The following FTO variants were observed in gnomAD, a reference collection of about 807,000 sequenced individuals.
The protein encoded by FTO is alpha-ketoglutarate-dependent dioxygenase FTO.
FTO carries 47 observed loss-of-function variants against 63.9 expected under a neutral mutation model. The ratio of observed to expected loss-of-function variants is 0.74; its 90% CI spans 0.58 to 0.94. The LOEUF (loss-of-function observed/expected upper bound fraction) is 0.94, where lower values mean the gene tolerates loss of function less well. Among genes scored for constraint, FTO ranks in the 40% least tolerant of loss-of-function variants. FTO has a pLI of 0.00. For missense variants in FTO, 562 were observed against 618.1 expected, an observed-to-expected ratio of 0.91 and a Z score of 0.96; for synonymous variants, 207 against 224.4, an observed-to-expected ratio of 0.92 and a Z score of 0.69.
At chr16:54,040,477 TG>T (rs2085045674) in intron 8 of FTO, 1 of 152,234 alleles carries the variant, frequency 6.6e-6, no homozygotes, top group Non-Finnish European at 1.5e-5. Context: ...CAAGTTCTCT[TG>T]GAGCTTACAT....
In FTO at chr16:53,714,733, A is replaced by C. The variant is rs563730608; in HGVS notation, c.45+10504A>C. ...TGGTAACACTATTAATGAGACAATA[A>C]TTGGGAAATAGTAGTCATTGTTCTC... is the stretch of plus-strand genomic sequence containing the variant. On this transcript the variant is annotated intron_variant, in intron 1 of 8. Transcript: ENST00000471389. 3.8e-4 allele frequency among the ~76,000 whole-genome samples: 58 copies of C among 152,294 alleles called. No individual in the cohort carries two copies. In the South Asian group the frequency reaches 0.012, roughly 31 times the overall value.
chr16:53,799,890 A>G (rs776491857), intron 1 of FTO, among the ~76,000 whole-genome samples: 4 of 152,172 alleles, frequency 2.6e-5, no homozygotes, highest in Non-Finnish European at 4.4e-5. Context: ...TTTAATTGGT[A>G]TGTTGAAACT....
At chr16:53,779,373 G>T (rs922459513) in intron 1 of FTO, among the ~76,000 whole-genome samples, 2 of 152,056 alleles carry the variant, frequency 1.3e-5, no homozygotes, top group African/African-American at 4.8e-5. Flanking sequence ...GGAGGAGATT[G>T]TGTAACTGGA....
rs181589243 is a variant in FTO at position 54,005,716 on chromosome 16, G to T, written c.1364+71607G>T. The stretch of plus-strand genomic sequence containing the variant: ...ATACTGTCATTAAAGATACAAAAAG[G>T]ATCAAACATAATCCTTGCCTTCAAA... On this transcript the variant is annotated intron_variant, in intron 8 of 8. Transcript: ENST00000471389. Among the ~76,000 whole-genome samples the T allele has an allele frequency of 3.3e-5, 5 of 152,210 alleles. No homozygotes were observed. In the East Asian group the frequency reaches 7.7e-4, roughly 23 times the overall value.
intron 1 of FTO, among the ~76,000 whole-genome samples, chr16:53,745,511 T>G (rs763569730): frequency 3.3e-5 from 5 of 152,212 alleles, no homozygotes; most frequent in Non-Finnish European, 7.3e-5. Flanking sequence ...GTTCCTTCAT[T>G]GTTTCATTCA....
chr16:53,853,296 C>T (rs908086525), intron 4 of FTO, among the ~76,000 whole-genome samples: 1 of 152,026 alleles, frequency 6.6e-6, no homozygotes, highest in Non-Finnish European at 1.5e-5. Flanking sequence ...CAGAGCAGGA[C>T]TTTGTCTCAA....
At chr16:53,788,955 C>CTGAA (rs1449430882) in intron 1 of FTO, among the ~76,000 whole-genome samples, 1 of 152,158 alleles carries the variant, frequency 6.6e-6, no homozygotes, top group Non-Finnish European at 1.5e-5. Flanking sequence ...ATTTATAAAG[C>CTGAA]TGAAATACAT....
intron 7 of FTO, among the ~76,000 whole-genome samples, chr16:53,895,131 C>A (rs189962770): frequency 6.6e-6 from 1 of 152,212 alleles, no homozygotes. Flanking sequence ...TTCCCCACAG[C>A]TATATTGTTC....
intron 8 of FTO, among the ~76,000 whole-genome samples, chr16:54,038,461 T>G (rs2084995752): frequency 1.3e-5 from 2 of 152,182 alleles, no homozygotes; most frequent in African/African-American, 4.8e-5. Context: ...ACTGTCTACC[T>G]CTGATGGCCA....
At chr16:54,051,013 T>C (rs552726135) in intron 8 of FTO, among the ~76,000 whole-genome samples, 1 of 152,342 alleles carries the variant, frequency 6.6e-6, no homozygotes, top group Non-Finnish European at 1.5e-5. Context: ...ACATCTTCAA[T>C]TTCCTGATTG....
chr16:54,034,148 T>C (rs994415244), intron 8 of FTO: 7 of 152,192 alleles, frequency 4.6e-5, no homozygotes, highest in African/African-American at 1.7e-4. Flanking sequence ...TTTCCCCCAT[T>C]ACTGAAAGGT....
chr16:53,813,555 A>G (rs1390142928), intron 2 of FTO, among the ~76,000 whole-genome samples: 1 of 152,230 alleles, frequency 6.6e-6, no homozygotes, highest in Non-Finnish European at 1.5e-5. Context: ...ATAAAACCTT[A>G]GTAAAAGTAA....
In FTO at chr16:53,851,734, T is replaced by C. The variant is rs1175965103; in HGVS notation, c.895+7436T>C. ...TTTGTACATAATATGTGCTGGAAATTTTTTTATGTCAGTATGTCATTCATA... is the reference window on the plus strand; with the variant it reads ...TTTGTACATAATATGTGCTGGAAATCTTTTTATGTCAGTATGTCATTCATA... On this transcript the variant is annotated intron_variant, in intron 4 of 8. Coordinates refer to ENST00000471389, the MANE Select transcript of FTO (RefSeq NM_001080432.3). Among the ~76,000 whole-genome samples the C allele has an allele frequency of 2.0e-5, 3 of 152,096 alleles. No homozygotes were observed. The East Asian group carries it at 5.8e-4, about 29-fold the overall frequency.
At chr16:53,717,245 A>G (rs914655984) in intron 1 of FTO, among the ~76,000 whole-genome samples, 3 of 152,082 alleles carry the variant, frequency 2.0e-5, no homozygotes, top group Admixed American at 6.5e-5. Flanking sequence ...TTTCCAATTT[A>G]AAGAAGCAAT....
At position 53,963,838 on chromosome 16, in the gene FTO, C is replaced by T. The variant is rs1346372414; in HGVS notation, c.1364+29729C>T. Reference sequence around the variant, plus strand: ...CACGATCTTAGCTCACTGCAGCCTCCGCCTCCCAGGTTCAAGTGATTCTCC... The same window carrying T: ...CACGATCTTAGCTCACTGCAGCCTCTGCCTCCCAGGTTCAAGTGATTCTCC... On this transcript the variant is annotated intron_variant, in intron 8 of 8. Transcript: ENST00000471389. Among the ~76,000 whole-genome samples the T allele has an allele frequency of 3.9e-5, 6 of 152,156 alleles. No homozygotes were observed. In the South Asian group the frequency reaches 1.0e-3, roughly 26 times the overall value.
intron 7 of FTO, among the ~76,000 whole-genome samples, chr16:53,897,191 A>G (rs1345077338): frequency 6.6e-6 from 1 of 150,850 alleles, no homozygotes; most frequent in South Asian, 2.1e-4. Context: ...TGTGATTGAC[A>G]TTTTTTTTTG....
intron 1 of FTO, among the ~76,000 whole-genome samples, chr16:53,785,286 G>T (rs9923233): frequency 6.6e-6 from 1 of 152,006 alleles, no homozygotes; most frequent in African/African-American, 2.4e-5. Flanking sequence ...CCCAGTAATT[G>T]GAACAATGCC....
At chr16:53,999,442 C>T (rs2084018741) in intron 8 of FTO, among the ~76,000 whole-genome samples, 1 of 152,192 alleles carries the variant, frequency 6.6e-6, no homozygotes, top group Admixed American at 6.5e-5. Flanking sequence ...GGGTTTGTAA[C>T]TCATCTCTCC....
chr16:54,095,223 A>G (rs994526368), intron 8 of FTO, among the ~76,000 whole-genome samples: 3 of 152,124 alleles, frequency 2.0e-5, no homozygotes, highest in Admixed American at 6.6e-5. Context: ...TATTTTTTGT[A>G]GAGACAGAGT....
Sources: allele counts gnomAD v4.1 joint callset (sites outside exome capture counted in the v4.1 genomes callset), GRCh38; gene constraint gnomAD v4.1.1; transcripts MANE v1.5; gene names NCBI Gene and HGNC (gene_info 2026-07-23, HGNC 2026-07-21).